DST: variants seen among roughly 807,000 people sequenced by gnomAD.
The protein encoded by DST is dystonin.
A neutral mutation model predicts 875.2 loss-of-function variants in DST; 253 were observed. That is an observed-to-expected ratio of 0.29 (90% CI 0.26 to 0.32). DST has a LOEUF of 0.32. DST is among the 10% of genes least tolerant of loss of function. The probability of loss-of-function intolerance (pLI) is 1.00; values close to 1 mark genes in which losing one functional copy is unlikely to be tolerated. For synonymous variants in DST, 3,124 were observed against 3,197.1 expected, an observed-to-expected ratio of 0.98 and a Z score of 0.77; for missense variants, 8,287 against 9,111.6, an observed-to-expected ratio of 0.91 and a Z score of 3.68.
chr6:56,588,345 C>T (rs1320341669), intron 49 of DST, among the ~76,000 whole-genome samples: 2 of 152,174 alleles, frequency 1.3e-5, no homozygotes, highest in African/African-American at 4.8e-5. Context: ...CTTTTTCATG[C>T]AACCTACCCC....
rs778243971 is a variant in DST at position 56,620,643 on chromosome 6, G to C, written c.4929+3887C>G. On this transcript the variant is annotated intron_variant, in intron 36 of 103. Transcript: ENST00000680361. ...TTTCCTGTAAGTTTGCTATTCTCAA[G>C]CACTGTTGCCTTCTGACGCTGAAGC... The C allele has an allele frequency of 3.7e-6, 6 of 1,613,946 alleles. No homozygotes were observed. The highest frequency in any genetic ancestry group is 5.1e-6 in the Non-Finnish European group (6 of 1,180,036).
chr6:56,899,764 GAAC>G (rs888695385), intron 3 of DST, among the ~76,000 whole-genome samples: 1 of 152,238 alleles, frequency 6.6e-6, no homozygotes, highest in Non-Finnish European at 1.5e-5. Context: ...AGAGCACACA[GAAC>G]AACGTGCTCA....
chr6:56,679,656 A>T (rs1414326372), intron 9 of DST, among the ~76,000 whole-genome samples: 1 of 151,352 alleles, frequency 6.6e-6, no homozygotes, highest in East Asian at 1.9e-4. Context: ...CTGCGGTCCA[A>T]GCTTCCTCGG....
rs1014205224 is a variant in DST at position 56,472,191 on chromosome 6, G to A, written c.22026C>T (p.Pro7342=). The change falls in exon 94 of 104, where the codon CCC becomes CCT. Residue 7342 remains proline (P), a synonymous_variant. Transcript: ENST00000680361. ...TTTCAATTTGTGTCTGTGACCCAGA[G>A]GGATACAAGCTTGATGCTGGAAAGC... ...RKRFPASSLY[P]SGSQTQIETK... 4 of 1,613,740 alleles carry A rather than the reference G, an allele frequency of 2.5e-6. No homozygotes were observed. Among genetic ancestry groups the A allele is most frequent in the Non-Finnish European group, 3.4e-6 (4 of 1,179,840 alleles).
intron 57 of DST, 32 bp from the exon 58 acceptor site, chr6:56,560,455 G>A: frequency 6.4e-7 from 1 of 1,556,500 alleles, no homozygotes; most frequent in Non-Finnish European, 8.7e-7. Flanking sequence ...TAAATCATGT[G>A]TACAGCAAAA....
Position 56,501,176 on chromosome 6 carries a change from G to A in DST, c.19800C>T (p.Leu6600=). 6.2e-7 allele frequency: 1 copy of A among 1,612,274 alleles called. No individual in the cohort carries two copies. Among genetic ancestry groups the A allele is most frequent in the Non-Finnish European group, 8.5e-7 (1 of 1,179,054 alleles). ...LGQFQHALDE[L]LAWLTHTEGL... The stretch of plus-strand genomic sequence containing the variant: ...CCTCGGTGTGTGTCAGCCATGCCAG[G>A]AGCTCATCCAGGGCATGTTGGAACT... Residue 6600 remains leucine, a synonymous_variant, in exon 80 of 104, where the codon CTC becomes CTT. Transcript: ENST00000680361.
At chr6:56,894,313 C>T (rs576620167) in intron 3 of DST, among the ~76,000 whole-genome samples, 1,084 of 86,942 alleles carry the variant, frequency 0.012, 130 homozygotes, top group Non-Finnish European at 0.019. Context: ...CGGGCAGAGG[C>T]GCCCCTCACC....
chr6:56,691,283 C>G (rs1217013481), intron 9 of DST, among the ~76,000 whole-genome samples: 3 of 152,146 alleles, frequency 2.0e-5, no homozygotes, highest in African/African-American at 7.2e-5. Flanking sequence ...GATAATGACA[C>G]AGACTGAATG....
chr6:56,636,411 TAC>T (rs564139907), intron 23 of DST, 144 bp downstream of exon 23: 7 of 663,918 alleles, frequency 1.1e-5, no homozygotes, highest in East Asian at 3.1e-5. Context: ...TGTATATATA[TAC>T]ACACATATAT....
chr6:56,497,926 T>C lies in DST; in HGVS notation c.20024A>G (p.Asn6675Ser), dbSNP rs1282843908. Residue 6675 changes from asparagine to serine, a missense_variant, in exon 81 of 104, where the codon AAT (asparagine) becomes AGT (serine). By Grantham distance (46) the Asn-to-Ser change is conservative (BLOSUM62 1). This residue lies in a region of DST where 1,292 missense variants were observed against 1,552.7 expected (regional missense o/e 0.83). Coordinates refer to ENST00000680361, the MANE Select transcript of DST (RefSeq NM_001374736.1). Reference sequence around the variant, plus strand: ...TTCCAAAACATTTTGCCAGCGTTGATTTAAAACCTCTAGCTTGTTCTGAAG... The same window carrying C: ...TTCCAAAACATTTTGCCAGCGTTGACTTAAAACCTCTAGCTTGTTCTGAAG... ...SNLQNKLEVL[N>S]QRWQNVLEKT... The C allele has an allele frequency of 2.0e-5, 32 of 1,613,398 alleles. No homozygotes were observed. Among genetic ancestry groups the C allele is most frequent in the African/African-American group, 2.7e-5 (2 of 75,014 alleles).
At chr6:56,534,557 G>C (rs947287081) in intron 63 of DST, among the ~76,000 whole-genome samples, 1 of 152,134 alleles carries the variant, frequency 6.6e-6, no homozygotes, top group Non-Finnish European at 1.5e-5. Context: ...TGTCTCTTTA[G>C]TAATAGGTGG....
At chr6:56,572,553 T>C (rs2097794053) in intron 52 of DST, among the ~76,000 whole-genome samples, 194 bp downstream of exon 52, 1 of 152,242 alleles carries the variant, frequency 6.6e-6, no homozygotes, top group Non-Finnish European at 1.5e-5. Context: ...ATAAATGATA[T>C]TTATTTCCAA....
intron 61 of DST, 138 bp downstream of exon 61, chr6:56,552,046 C>A: frequency 2.0e-6 from 2 of 979,868 alleles, no homozygotes; most frequent in South Asian, 1.8e-5. Flanking sequence ...GTGTTACCCC[C>A]ATATATGCTC....
chr6:56,460,145 C>T lies in DST; in HGVS notation c.23180G>A (p.Arg7727Gln), dbSNP rs1352623692. 5.6e-6 allele frequency: 9 copies of T among 1,612,742 alleles called. No individual in the cohort carries two copies. The highest frequency in any genetic ancestry group is 2.2e-5 in the East Asian group (1 of 44,858). ...ACCACACTCACCAGCAAACTGTGTT[C>T]GGACTCTGGCAGCTGCAGTTGTTAT... is the stretch of plus-strand genomic sequence containing the variant. Reference protein sequence around the residue: ...GLITTAAARVRTQFADSKKTP... With the variant: ...GLITTAAARVQTQFADSKKTP... Residue 7727 changes from arginine (R) to glutamine (Q), a missense_variant, in exon 103 of 104, where the codon CGA becomes CAA. By Grantham distance (43) the Arg-to-Gln change is conservative. This residue lies in a region of DST where 240 missense variants were observed against 237.3 expected (regional missense o/e 1.01). Transcript: ENST00000680361.
chr6:56,920,175 A>G (rs942705831), intron 2 of DST, among the ~76,000 whole-genome samples: 6 of 152,228 alleles, frequency 3.9e-5, no homozygotes, highest in Non-Finnish European at 5.9e-5. Context: ...AATAAGATCC[A>G]GTAACCAAGG....
intron 36 of DST, chr6:56,620,408 G>T (rs1364128345): frequency 1.2e-6 from 2 of 1,613,992 alleles, no homozygotes; most frequent in South Asian, 2.2e-5. Context: ...TCTTTCAGCG[G>T]CTTCCTTCTC....
intron 10 of DST, among the ~76,000 whole-genome samples, chr6:56,661,547 T>C (rs1329805389): frequency 2.0e-5 from 3 of 151,688 alleles, no homozygotes; most frequent in Non-Finnish European, 2.9e-5. Context: ...AGGAGAGTGA[T>C]AGGCACTCTC....
intron 4 of DST, among the ~76,000 whole-genome samples, chr6:56,741,108 A>G (rs2099545318): frequency 6.6e-6 from 1 of 152,212 alleles, no homozygotes; most frequent in Non-Finnish European, 1.5e-5. Flanking sequence ...CAGATTCTAT[A>G]GATAAATTGG....
rs78290654 is a variant in DST at position 56,724,849 on chromosome 6, C to G, written c.687+10379G>C. On this transcript the variant is annotated intron_variant, in intron 5 of 103. Coordinates refer to ENST00000680361, the MANE Select transcript of DST (RefSeq NM_001374736.1). ...TCAATATATAGGCAATATTATGACTCAAATACATAAAAAAGCAATCAGGAC... is the reference window on the plus strand; with the variant it reads ...TCAATATATAGGCAATATTATGACTGAAATACATAAAAAAGCAATCAGGAC... 6.1e-3 allele frequency among the ~76,000 whole-genome samples: 931 copies of G among 152,180 alleles called. 11 individuals are homozygous for G. The highest frequency in any genetic ancestry group is 0.022 in the African/African-American group (903 of 41,506).
Sources: allele counts gnomAD v4.1 joint callset (sites outside exome capture counted in the v4.1 genomes callset), GRCh38; gene constraint gnomAD v4.1.1; regional missense constraint gnomAD v4.1.1; transcripts MANE v1.5; gene names NCBI Gene and HGNC (gene_info 2026-07-23, HGNC 2026-07-21).